RARB: variants seen among roughly 807,000 people sequenced by gnomAD.
RARB encodes the protein retinoic acid receptor beta.
In RARB, 17 loss-of-function variants were observed where a neutral mutation model predicts 51.9. The ratio of observed to expected loss-of-function variants is 0.33; its 90% confidence interval spans 0.22 to 0.49. RARB has a LOEUF of 0.49. RARB is among the 20% of genes least tolerant of loss of function. The probability of loss-of-function intolerance (pLI) is 0.99; values close to 1 mark genes in which losing one functional copy is unlikely to be tolerated. For synonymous variants in RARB, 215 were observed against 195.4 expected (o/e 1.10, Z -0.84); for missense variants, 369 against 550.8 (o/e 0.67, Z 3.30).
intron 5 of RARB, among the ~76,000 whole-genome samples, chr3:25,183,976 C>A (rs1700918907): frequency 6.6e-6 from 1 of 152,124 alleles, no homozygotes. Context: ...ATGTAAGCTT[C>A]TTTGAGGTAA....
chr3:24,955,717 T>G (rs1216783121), intron 2 of RARB, among the ~76,000 whole-genome samples: 1 of 151,996 alleles, frequency 6.6e-6, no homozygotes, highest in Non-Finnish European at 1.5e-5. Context: ...GAGCTGGGGA[T>G]GTTAACAATT....
intron 5 of RARB, among the ~76,000 whole-genome samples, chr3:25,279,649 TG>T (rs1271791765): frequency 6.7e-6 from 1 of 149,288 alleles, no homozygotes; most frequent in Non-Finnish European, 1.5e-5. Context: ...AGGGAGAAAA[TG>T]GTAAAGAAAG....
intron 2 of RARB, among the ~76,000 whole-genome samples, chr3:25,011,986 G>A (rs1040624667): frequency 3.9e-5 from 6 of 152,034 alleles, no homozygotes; most frequent in African/African-American, 1.4e-4. Context: ...AGGGCAGACA[G>A]GACTGACATC....
intron 1 of RARB, among the ~76,000 whole-genome samples, chr3:24,839,656 G>A (rs765662572): frequency 2.2e-4 from 28 of 129,798 alleles, no homozygotes; most frequent in Non-Finnish European, 3.5e-4. Context: ...GCAGTGAGCC[G>A]AGATGCCACT....
intron 5 of RARB, among the ~76,000 whole-genome samples, chr3:25,259,528 G>C (rs1702947041): frequency 6.6e-6 from 1 of 152,074 alleles, no homozygotes. Context: ...CTTTAGCCTA[G>C]GTCCCTGAAT....
At chr3:25,163,458 T>G (rs995003701) in intron 4 of RARB, among the ~76,000 whole-genome samples, 9 of 148,160 alleles carry the variant, frequency 6.1e-5, no homozygotes, top group African/African-American at 1.0e-4. Context: ...TGAGCCAAGA[T>G]CATGCCACTG....
At chr3:25,248,010 C>A (rs1702610227) in intron 5 of RARB, among the ~76,000 whole-genome samples, 1 of 152,092 alleles carries the variant, frequency 6.6e-6, no homozygotes, top group Admixed American at 6.6e-5. Flanking sequence ...TATTGGAATT[C>A]CTCTTCCTTT....
intron 5 of RARB, among the ~76,000 whole-genome samples, chr3:25,257,683 C>G (rs1019456941): frequency 8.5e-5 from 13 of 152,094 alleles, no homozygotes; most frequent in African/African-American, 3.1e-4. Flanking sequence ...CCGCTCCTTC[C>G]TAGGCTCTAT....
intron 2 of RARB, among the ~76,000 whole-genome samples, chr3:24,918,664 C>T (rs1472114800): frequency 6.6e-6 from 1 of 152,152 alleles, no homozygotes; most frequent in South Asian, 2.1e-4. Flanking sequence ...GGGCAGATTG[C>T]CTGAAGTCAG....
intron 5 of RARB, among the ~76,000 whole-genome samples, chr3:25,196,933 ATTTG>A (rs1206177863): frequency 6.6e-6 from 1 of 150,894 alleles, no homozygotes; most frequent in East Asian, 2.0e-4. Flanking sequence ...TTTGTTGTAA[ATTTG>A]TTTAAGTTCT....
rs542530121 is a variant in RARB, at chr3:25,250,559, G to A, written c.178+75984G>A. Among the ~76,000 whole-genome samples the A allele has an allele frequency of 4.6e-5, 7 of 152,266 alleles. No homozygotes were observed. In the South Asian group the frequency reaches 1.5e-3, roughly 32 times the overall value. On this transcript the variant is annotated intron_variant, in intron 5 of 11. Transcript: ENST00000383772. ...GTGTCCCCACTACTGGGGATTGTGG[G>A]GTCACTGACAGTGGCTCATGATTCA...
At chr3:25,555,456 T>C (rs1159961581) in intron 3 of RARB, 1 of 152,190 alleles carries the variant, frequency 6.6e-6, no homozygotes, top group African/African-American at 2.4e-5. Flanking sequence ...ACCAAGAAGC[T>C]GGAAACATCT....
At chr3:25,519,926 C>T (rs1447100382) in intron 3 of RARB, among the ~76,000 whole-genome samples, 1 of 152,182 alleles carries the variant, frequency 6.6e-6, no homozygotes, top group Admixed American at 6.5e-5. Flanking sequence ...CATTCCTAAA[C>T]ATTTAGAAAT....
intron 5 of RARB, among the ~76,000 whole-genome samples, chr3:25,329,214 C>T (rs1022303105): frequency 1.3e-5 from 2 of 152,220 alleles, no homozygotes; most frequent in African/African-American, 4.8e-5. Context: ...TGAGAATGGA[C>T]AGACTGCCTC....
At chr3:25,323,986 TAAAC>T (rs1381062074) in intron 5 of RARB, among the ~76,000 whole-genome samples, 1 of 151,772 alleles carries the variant, frequency 6.6e-6, no homozygotes, top group Non-Finnish European at 1.5e-5. Flanking sequence ...AAAGCAAAAG[TAAAC>T]AAACAAAGGT....
chr3:25,073,587 A>G (rs1383278888), intron 3 of RARB, among the ~76,000 whole-genome samples: 1 of 152,160 alleles, frequency 6.6e-6, no homozygotes, highest in Non-Finnish European at 1.5e-5. Flanking sequence ...CATTTCTCAA[A>G]CTCATCTGAC....
chr3:24,901,629 GC>G (rs1321706554), intron 2 of RARB, among the ~76,000 whole-genome samples: 3 of 152,156 alleles, frequency 2.0e-5, no homozygotes, highest in Non-Finnish European at 4.4e-5. Context: ...TACAGAGTAT[GC>G]TCAGATTTTA....
chr3:25,258,936 C>T (rs1193580893), intron 5 of RARB: 1 of 637,216 alleles, frequency 1.6e-6, no homozygotes, highest in Non-Finnish European at 2.0e-6. Context: ...CTCAAAGGCA[C>T]TAACTTTCAA....
intron 4 of RARB, among the ~76,000 whole-genome samples, chr3:25,163,704 G>A (rs1388545000): frequency 4.6e-5 from 7 of 151,822 alleles, no homozygotes; most frequent in East Asian, 3.9e-4. Flanking sequence ...CAAGGACCCC[G>A]TTCCCTCACT....
Sources: allele counts gnomAD v4.1 joint callset (sites outside exome capture counted in the v4.1 genomes callset), GRCh38; gene constraint gnomAD v4.1.1; transcripts MANE v1.5; gene names NCBI Gene and HGNC (gene_info 2026-07-23, HGNC 2026-07-21).